The following ASGR1 variants were observed in gnomAD, a reference collection of about 807,000 sequenced individuals.
The protein encoded by ASGR1 is asialoglycoprotein receptor 1, also known as C-type lectin domain family 4 member H1.
In ASGR1, 35 loss-of-function variants were observed where a neutral mutation model predicts 33.1. The ratio of observed to expected loss-of-function variants is 1.06; its 90% CI spans 0.81 to 1.40. The LOEUF (loss-of-function observed/expected upper bound fraction) is 1.40, where lower values mean the gene tolerates loss of function less well. Among genes scored for constraint, ASGR1 ranks in the 40% most tolerant of loss-of-function variants. ASGR1 has a pLI of 0.00. For synonymous variants in ASGR1, 142 were observed against 152.5 expected (o/e 0.93, Z 0.51); for missense variants, 396 against 373.7 (o/e 1.06, Z -0.49).
rs765939894 is a variant in ASGR1, at chr17:7,174,077, G to C, written c.595-10C>G. 2 of 1,614,220 alleles carry C rather than the reference G, an allele frequency of 1.2e-6. No homozygotes were observed. The highest frequency in any genetic ancestry group is 1.7e-6 in the Non-Finnish European group (2 of 1,180,010). On this transcript the variant is annotated splice_polypyrimidine_tract_variant and intron_variant, in intron 7 of 8. Transcript: ENST00000269299. ...GGTGCTGGACAAATTTCTGAGGAGA[G>C]AGAAGGCGGGTGGTGATCTCTCCGA...
intron 5 of ASGR1, among the ~76,000 whole-genome samples, chr17:7,175,748 C>A (rs1397318240): frequency 6.6e-6 from 1 of 150,386 alleles, no homozygotes; most frequent in Non-Finnish European, 1.5e-5. Flanking sequence ...CTCACAAACA[C>A]CCATCCACAC....
chr17:7,177,358 G>A, intron 2 of ASGR1, 32 bp from the exon 3 acceptor site: 2 of 1,576,876 alleles, frequency 1.3e-6, no homozygotes, highest in African/African-American at 1.3e-5. Flanking sequence ...GGAGCGCGGG[G>A]ACAGAGGGGA....
rs762198444 is a variant in ASGR1 at position 7,174,172 on chromosome 17, G to A, written c.560C>T (p.Ala187Val). Residue 187 changes from alanine (A) to valine (V), a missense_variant, in exon 7 of 9, where the codon GCG (alanine) becomes GTG (valine). By Grantham distance (64) the Ala-to-Val change is moderately conservative. Transcript: ENST00000269299. The part of the protein sequence containing the change: ...DADNYCRLED[A>V]HLVVVTSWEE... The stretch of plus-strand genomic sequence containing the variant: ...CCAGGACGTGACCACCACCAGGTGC[G>A]CGTCCTCCAGCCGGCAGTAGTTGTC... 3 of 1,614,144 alleles carry A rather than the reference G, an allele frequency of 1.9e-6. No individual in the cohort carries two copies. Among genetic ancestry groups the A allele is most frequent in the South Asian group, 1.1e-5 (1 of 91,082 alleles).
rs1284514486 is a variant in ASGR1, at chr17:7,174,222, G to A, written c.510C>T (p.Arg170=). 14 of 1,614,228 alleles carry A rather than the reference G, an allele frequency of 8.7e-6. No individual in the cohort carries two copies. The highest frequency in any genetic ancestry group is 1.3e-5 in the African/African-American group (1 of 75,076). The change falls in exon 7 of 9, where the codon CGC becomes CGT. Residue 170 remains arginine (R), a synonymous_variant. Transcript: ENST00000269299. ...CGGCGTCAGCCCAGGCCTTCCCGGA[G>A]CGAGAGAACCAGTAGCAGCTGCGCT... The part of the protein sequence containing the change: ...EHERSCYWFS[R]SGKAWADADN...
chr17:7,177,347 A>G, intron 2 of ASGR1, 21 bp from the exon 3 acceptor site: 2 of 1,606,306 alleles, frequency 1.2e-6, no homozygotes, highest in Non-Finnish European at 1.7e-6. Flanking sequence ...AGGGGGTGTC[A>G]GGAGCGCGGG....
intron 2 of ASGR1, chr17:7,177,562 GC>G: frequency 2.0e-6 from 1 of 503,778 alleles, no homozygotes; most frequent in Middle Eastern, 5.3e-4. Flanking sequence ...GAGGCCCTGA[GC>G]TTTTGCTGAC....
At chr17:7,176,052 AGACT>A (rs1181964442) in intron 5 of ASGR1, among the ~76,000 whole-genome samples, 5 of 145,058 alleles carry the variant, frequency 3.4e-5, no homozygotes, top group African/African-American at 1.1e-4. Flanking sequence ...TCATTCACAC[AGACT>A]CACACACCCA....
At chr17:7,178,347 G>A (rs925626733) in intron 2 of ASGR1, 147 bp downstream of exon 2, 3 of 838,082 alleles carry the variant, frequency 3.6e-6, no homozygotes, top group Non-Finnish European at 5.9e-6. Context: ...TCCTGAGAGA[G>A]GCAGTTCCGA....
intron 5 of ASGR1, among the ~76,000 whole-genome samples, chr17:7,174,899 CACACAAT>C (rs1300695161): frequency 6.7e-6 from 1 of 149,764 alleles, no homozygotes; most frequent in Non-Finnish European, 1.5e-5. Flanking sequence ...ACACATAAAA[CACACAAT>C]ACAGAACACA....
chr17:7,179,183 A>T lies in ASGR1; in HGVS notation c.-26+7T>A, dbSNP rs1247968976. 6.6e-6 allele frequency: 1 copy of T among 151,612 alleles called. No individual in the cohort carries two copies. The highest frequency in any genetic ancestry group is 2.4e-5 in the African/African-American group (1 of 40,894). The allele number at this position is 151,612 out of a possible 1,614,324, so 9.4% of individuals were successfully genotyped here. On this transcript the variant is annotated splice_region_variant and intron_variant, in intron 1 of 8. Coordinates refer to ENST00000269299, the MANE Select transcript of ASGR1 (RefSeq NM_001671.5). ...CCAGCCTCCCGCCACCTCTCTTCCC[A>T]TTTTACTTGCTCAGGGTCTCAGGGT... is the stretch of plus-strand genomic sequence containing the variant.
At position 7,176,263 on chromosome 17, in the gene ASGR1, ACACT is replaced by A. The variant is rs554260086; in HGVS notation, c.355+563_355+566del. On this transcript the variant is annotated intron_variant, in intron 5 of 8. Coordinates refer to ENST00000269299, the MANE Select transcript of ASGR1 (RefSeq NM_001671.5). Reference sequence around the variant, plus strand: ...GACACACACACCCCATCTCATTCTCACACTCACTCACACACCCCATCTCATTCTC... The same window carrying A: ...GACACACACACCCCATCTCATTCTCACACTCACACACCCCATCTCATTCTC... Among the ~76,000 whole-genome samples, 651 of 136,958 alleles carry A rather than the reference ACACT, an allele frequency of 4.8e-3. 1 individual carries two copies. Among genetic ancestry groups the A allele is most frequent in the African/African-American group, 0.015 (490 of 32,752 alleles). 89.8% of individuals were successfully genotyped at this position (136,958 alleles called of 152,430 possible).
Position 7,175,322 on chromosome 17 carries a change from GAC to G in ASGR1, c.356-864_356-863del, listed in dbSNP as rs796574663. Among the ~76,000 whole-genome samples, 782 of 96,368 alleles carry G rather than the reference GAC, an allele frequency of 8.1e-3. 4 individuals are homozygous for G. Among genetic ancestry groups the G allele is most frequent in the African/African-American group, 0.035 (725 of 20,992 alleles). The allele number at this position is 96,368 out of a possible 152,430, so 63.2% of individuals were successfully genotyped here. On this transcript the variant is annotated intron_variant, in intron 5 of 8. Coordinates refer to ENST00000269299, the MANE Select transcript of ASGR1 (RefSeq NM_001671.5). ...ACACACACAACACACCTTCACCCAC[GAC>G]ACACACAACACACCTTCACCCACAC... is the stretch of plus-strand genomic sequence containing the variant.
chr17:7,178,396 G>A, intron 2 of ASGR1, 98 bp downstream of exon 2: 1 of 1,279,188 alleles, frequency 7.8e-7, no homozygotes, highest in South Asian at 1.2e-5. Context: ...CAGACCCAGA[G>A]AGAGAGCCAG....
chr17:7,175,198 A>G (rs910510756), intron 5 of ASGR1, among the ~76,000 whole-genome samples: 2 of 150,430 alleles, frequency 1.3e-5, no homozygotes, highest in African/African-American at 4.9e-5. Flanking sequence ...CTTAACCCAC[A>G]TACACACAAC....
chr17:7,176,399 T>C, intron 5 of ASGR1, among the ~76,000 whole-genome samples: 2 of 134,120 alleles, frequency 1.5e-5, no homozygotes, highest in African/African-American at 2.9e-5. Flanking sequence ...CACACACACC[T>C]CATTATCACA....
chr17:7,178,461 C>T (rs1597425223), intron 2 of ASGR1, 33 bp downstream of exon 2: 11 of 1,602,230 alleles, frequency 6.9e-6, no homozygotes, highest in Non-Finnish European at 9.4e-6. Context: ...GCCAAATTCT[C>T]GCCTTGCAGA....
At position 7,176,068 on chromosome 17, in the gene ASGR1, C is replaced by CCA. The variant is rs527539624; in HGVS notation, c.355+760_355+761dup. 6.7e-3 allele frequency among the ~76,000 whole-genome samples: 985 copies of CCA among 147,648 alleles called. 10 individuals are homozygous for CCA. The highest frequency in any genetic ancestry group is 0.024 in the African/African-American group (935 of 39,556). ...CATTCACACAGACTCACACACCCAT[C>CCA]CACTCCTTCTCATTCTCACACTCAC... On this transcript the variant is annotated intron_variant, in intron 5 of 8. Transcript: ENST00000269299.
At chr17:7,174,807 AGAC>A (rs1484749019) in intron 5 of ASGR1, among the ~76,000 whole-genome samples, 10 of 150,696 alleles carry the variant, frequency 6.6e-5, no homozygotes, top group East Asian at 2.0e-4. Context: ...ACACAAACGC[AGAC>A]AACACACAGA....
chr17:7,175,381 A>G (rs973313135), intron 5 of ASGR1, among the ~76,000 whole-genome samples: 10 of 147,910 alleles, frequency 6.8e-5, no homozygotes, highest in African/African-American at 2.5e-4. Flanking sequence ...CCAAACACAC[A>G]CAAAAACCAC....
Sources: allele counts gnomAD v4.1 joint callset (sites outside exome capture counted in the v4.1 genomes callset), GRCh38; gene constraint gnomAD v4.1.1; transcripts MANE v1.5; gene names NCBI Gene and HGNC (gene_info 2026-07-23, HGNC 2026-07-21).